Variants in SOD2 observed in about 807,000 individuals in gnomAD.
SOD2 encodes superoxide dismutase [Mn], mitochondrial.
In SOD2, 11 loss-of-function variants were observed where a neutral mutation model predicts 27.0. That is an observed-to-expected ratio of 0.41 (90% confidence interval 0.26 to 0.67). The LOEUF is 0.67. Among genes scored for constraint, SOD2 ranks in the 30% least tolerant of loss-of-function variants. SOD2 has a pLI of 0.34. For synonymous variants in SOD2, 105 were observed against 103.0 expected, an observed-to-expected ratio of 1.02 and a Z score of -0.12; for missense variants, 250 against 274.5, an observed-to-expected ratio of 0.91 and a Z score of 0.63.
At chr6:159,730,014 A>C (rs1343519097), upstream of SOD2, among the ~76,000 whole-genome samples, 1 of 152,146 alleles carries the variant, frequency 6.6e-6, no homozygotes, top group African/African-American at 2.4e-5. Context: ...TGATTTTCTG[A>C]GATATATTAT....
Position 159,671,809 on chromosome 6 carries a change from G to C in SOD2, c.*10684C>G, listed in dbSNP as rs1779670743. 1 of 152,206 alleles carries C rather than the reference G, an allele frequency of 6.6e-6. No individual in the cohort carries two copies. Among genetic ancestry groups the C allele is most frequent in the Non-Finnish European group, 1.5e-5 (1 of 68,048 alleles). 9.4% of individuals were successfully genotyped at this position (152,206 alleles called of 1,614,324 possible). A position where few individuals can be genotyped will look rare whatever the true frequency, so the allele number is the denominator to read the frequency against. On this transcript the variant is annotated 3_prime_UTR_variant, in exon 5 of 5. Coordinates refer to ENST00000538183, the MANE Select transcript of SOD2 (RefSeq NM_000636.4). ...AAACTTCTCCAAGCTAAAAGAGGAA[G>C]TTCGAACCCATCACAAAGAACCTAA... is the stretch of plus-strand genomic sequence containing the variant.
At chr6:159,693,873 A>G (rs1777360994), upstream of SOD2, among the ~76,000 whole-genome samples, 1 of 152,238 alleles carries the variant, frequency 6.6e-6, no homozygotes. Flanking sequence ...GACCTATTCC[A>G]GGACAGGAGG....
intron 1 of SOD2, among the ~76,000 whole-genome samples, chr6:159,724,142 G>C (rs981393776): frequency 2.0e-5 from 3 of 148,656 alleles, no homozygotes; most frequent in African/African-American, 5.0e-5. Context: ...ATGAATGAAC[G>C]TCTTAAAAAT....
chr6:159,735,905 G>A (rs930571032), intron 1 of SOD2, among the ~76,000 whole-genome samples: 9 of 152,046 alleles, frequency 5.9e-5, no homozygotes, highest in Non-Finnish European at 1.2e-4. Flanking sequence ...AGCAACATGC[G>A]TAGGATACTA....
upstream of SOD2, chr6:159,748,920 CA>C (rs1779718066): frequency 1.7e-6 from 2 of 1,154,924 alleles, no homozygotes; most frequent in South Asian, 8.8e-5. This position sits in a 1 kb window ranked among gnomAD's most constrained non-coding sequence, Gnocchi z 5.6. Context: ...ACTTCTGGGT[CA>C]AAACTCAAAT....
At chr6:159,719,317 G>C (rs1391890406) in intron 1 of SOD2, among the ~76,000 whole-genome samples, 13 of 152,142 alleles carry the variant, frequency 8.5e-5, no homozygotes, top group Admixed American at 8.5e-4. Flanking sequence ...GAGGTCAGGA[G>C]TTCAAGACCA....
At chr6:159,761,635 A>G (rs951457078) in exon 1 of SOD2, 2 of 452,604 alleles carry the variant, frequency 4.4e-6, no homozygotes, top group Non-Finnish European at 8.9e-6. Context: ...TCCAGTCCTG[A>G]GCTGAACGAG....
chr6:159,726,785 G>A (rs1223673158), intron 1 of SOD2: 4 of 1,289,018 alleles, frequency 3.1e-6, no homozygotes, highest in African/African-American at 3.0e-5. Context: ...CGAACCCAGC[G>A]GCCAGGAGAC....
chr6:159,762,113 T>G, exon 1 of SOD2: 1 of 1,613,032 alleles, frequency 6.2e-7, no homozygotes, highest in Non-Finnish European at 8.5e-7. Context: ...GATCCTGTGG[T>G]CATCGTCTCG....
intron 1 of SOD2, chr6:159,712,806 ATC>A (rs1281310383): frequency 6.4e-5 from 35 of 548,302 alleles, no homozygotes; most frequent in Admixed American, 1.1e-4. Context: ...GGGTAAGCCC[ATC>A]TCTCCCATCA....
chr6:159,713,765 G>A (rs1777874789), intron 1 of SOD2: 4 of 946,766 alleles, frequency 4.2e-6, no homozygotes, highest in Non-Finnish European at 5.2e-6. Context: ...TGTGTCCCAT[G>A]GTTTCTCTGT....
rs975134587 is a variant in SOD2, at chr6:159,673,348, A to G, written c.*9145T>C. On this transcript the variant is annotated 3_prime_UTR_variant, in exon 5 of 5. Transcript: ENST00000538183. ...TTCCAAAATTGACCACATAGTTGGAAGTAAAGCACTCCTCAGCAAATGTAA... is the reference window on the plus strand; with the variant it reads ...TTCCAAAATTGACCACATAGTTGGAGGTAAAGCACTCCTCAGCAAATGTAA... 6.6e-6 allele frequency: 1 copy of G among 152,224 alleles called. No homozygotes were observed. The highest frequency in any genetic ancestry group is 1.5e-5 in the Non-Finnish European group (1 of 68,038). The allele number at this position is 152,224 out of a possible 1,614,324, so 9.4% of individuals were successfully genotyped here.
Position 159,673,340 on chromosome 6 carries a change from T to C in SOD2, c.*9153A>G, listed in dbSNP as rs1779709070. 1 of 152,178 alleles carries C rather than the reference T, an allele frequency of 6.6e-6. No homozygotes were observed. Among genetic ancestry groups the C allele is most frequent in the South Asian group, 2.1e-4 (1 of 4,832 alleles). The allele number at this position is 152,178 out of a possible 1,614,324, so 9.4% of individuals were successfully genotyped here. The stretch of plus-strand genomic sequence containing the variant: ...CGCACCTATTCCAAAATTGACCACA[T>C]AGTTGGAAGTAAAGCACTCCTCAGC... On this transcript the variant is annotated 3_prime_UTR_variant, in exon 5 of 5. Transcript: ENST00000538183.
upstream of SOD2, among the ~76,000 whole-genome samples, chr6:159,698,031 T>C (rs1374057533): frequency 6.6e-6 from 1 of 152,074 alleles, no homozygotes; most frequent in African/African-American, 2.4e-5. Flanking sequence ...TCCCAGGACT[T>C]TGGGAGGCTG....
At chr6:159,711,724 C>T in intron 1 of SOD2, among the ~76,000 whole-genome samples, 1 of 116,680 alleles carries the variant, frequency 8.6e-6, no homozygotes, top group African/African-American at 3.1e-5. Context: ...ATCACCATAA[C>T]CACCTCCACA....
At chr6:159,697,401 T>C (rs1047719648), upstream of SOD2, among the ~76,000 whole-genome samples, 1 of 152,140 alleles carries the variant, frequency 6.6e-6, no homozygotes, top group Non-Finnish European at 1.5e-5. Flanking sequence ...AAGTAGTACT[T>C]AAATTGCCAA....
upstream of SOD2, chr6:159,727,696 C>G (rs1276356087): frequency 3.1e-6 from 3 of 983,350 alleles, no homozygotes; most frequent in African/African-American, 1.8e-5. Context: ...CGGCTTCTGC[C>G]TGGAGAGGTA....
upstream of SOD2, chr6:159,693,375 C>T: frequency 5.1e-6 from 1 of 197,262 alleles, no homozygotes; most frequent in Non-Finnish European, 1.0e-5. Context: ...CGCCCAACCC[C>T]GGGGGTGCCC....
chr6:159,731,663 A>G (rs1468854811), upstream of SOD2, among the ~76,000 whole-genome samples: 2 of 152,190 alleles, frequency 1.3e-5, no homozygotes, highest in Non-Finnish European at 2.9e-5. Flanking sequence ...AGAAGAAACT[A>G]TTAATTAAAT....
Sources: gnomAD v4.1 joint callset for allele counts (sites outside exome capture counted in the v4.1 genomes callset) on GRCh38, gnomAD v4.1.1 for gene constraint, Gnocchi (gnomAD v3.1) non-coding constraint, MANE v1.5 for transcripts, NCBI Gene and HGNC (gene_info 2026-07-23, HGNC 2026-07-21) for gene names.